The following NCOA3 variants were observed in gnomAD, a reference collection of about 807,000 sequenced individuals.
The protein encoded by NCOA3 is nuclear receptor coactivator 3, also known as CBP-interacting protein.
NCOA3 carries 51 observed loss-of-function variants against 158.8 expected under a neutral mutation model. That is an observed-to-expected ratio of 0.32 (90% CI 0.26 to 0.41). The LOEUF is 0.41. Among genes scored for constraint, NCOA3 ranks in the 10% least tolerant of loss-of-function variants. The pLI, the probability that NCOA3 is intolerant of heterozygous loss-of-function variation, is 1.00. For synonymous variants in NCOA3, 537 were observed against 592.4 expected, an observed-to-expected ratio of 0.91 and a Z score of 1.36; for missense variants, 1,510 against 1,746.6, an observed-to-expected ratio of 0.86 and a Z score of 2.41.
chr20:47,548,769 G>T (rs1374347695), intron 1 of NCOA3, among the ~76,000 whole-genome samples: 1 of 152,124 alleles, frequency 6.6e-6, no homozygotes, highest in Non-Finnish European at 1.5e-5. Context: ...ATTATGTCAT[G>T]ATGGTTTACT....
At chr20:47,519,901 A>G (rs1442068412) in intron 1 of NCOA3, among the ~76,000 whole-genome samples, 1 of 151,968 alleles carries the variant, frequency 6.6e-6, no homozygotes, top group African/African-American at 2.4e-5. Flanking sequence ...AGCTGGGACT[A>G]TATAGATGCC....
Position 47,586,475 on chromosome 20 carries a change from G to T in NCOA3, c.-20+3214G>T, listed in dbSNP as rs570673542. Among the ~76,000 whole-genome samples the T allele has an allele frequency of 3.2e-4, 49 of 151,860 alleles. No individual in the cohort carries two copies. The South Asian group carries it at 0.01, about 32-fold the overall frequency. ...ACTTCTGTTGTATTCCTACAGATAG[G>T]GTCATTCTCTTATATAACCATGGTA... On this transcript the variant is annotated intron_variant, in intron 2 of 22. Coordinates refer to ENST00000371998, the MANE Select transcript of NCOA3 (RefSeq NM_181659.3).
Position 47,627,620 on chromosome 20 carries a change from C to T in NCOA3, c.592C>T (p.Arg198Cys), listed in dbSNP as rs765156127. 11 of 1,613,852 alleles carry T rather than the reference C, an allele frequency of 6.8e-6. No individual in the cohort carries two copies. The highest frequency in any genetic ancestry group is 4.0e-5 in the African/African-American group (3 of 74,888). Reference sequence around the variant, plus strand: ...ACAAAAAAGCCATACATTTAATTGCCGTATGTTGATGAAAACACCACATGA... The same window carrying T: ...ACAAAAAAGCCATACATTTAATTGCTGTATGTTGATGAAAACACCACATGA... ...QRQKSHTFNC[R>C]MLMKTPHDIL... Residue 198 changes from arginine to cysteine, a missense_variant, in exon 7 of 23, where the codon CGT (arginine) becomes TGT (cysteine). Transcript: ENST00000371998.
At position 47,611,002 on chromosome 20, in the gene NCOA3, C is replaced by T. The variant is rs542046549; in HGVS notation, c.-19-11227C>T. The stretch of plus-strand genomic sequence containing the variant: ...GCATTTGACCATGGTTACCATTCCC[C>T]CTCTTCATTGTTTACTTAGTGTACC... On this transcript the variant is annotated intron_variant, in intron 2 of 22. Transcript: ENST00000371998. Among the ~76,000 whole-genome samples, 5 of 152,192 alleles carry T rather than the reference C, an allele frequency of 3.3e-5. No homozygotes were observed. The East Asian group carries it at 9.6e-4, about 29-fold the overall frequency.
intron 2 of NCOA3, among the ~76,000 whole-genome samples, chr20:47,603,779 C>A (rs1249783553): frequency 6.6e-6 from 1 of 152,200 alleles, no homozygotes; most frequent in Non-Finnish European, 1.5e-5. Flanking sequence ...TCCTTCTCTT[C>A]TTTCTCTGCC....
At position 47,625,466 on chromosome 20, in the gene NCOA3, A is replaced by G. The variant is rs2086306887; in HGVS notation, c.342A>G (p.Gly114=). The change falls in exon 5 of 23, where the codon GGA becomes GGG. Residue 114 remains glycine (G), a synonymous_variant. Coordinates refer to ENST00000371998, the MANE Select transcript of NCOA3 (RefSeq NM_181659.3). ...GAGTTATTGATAAAGACTCCTTAGGACCGCTTTTACTTCAGGCAAGTATAA... is the reference window on the plus strand; with the variant it reads ...GAGTTATTGATAAAGACTCCTTAGGGCCGCTTTTACTTCAGGCAAGTATAA... The part of the protein sequence containing the change: ...GQGVIDKDSL[G]PLLLQALDGF... The G allele has an allele frequency of 2.5e-6, 4 of 1,609,758 alleles. No homozygotes were observed. In the Admixed American group the frequency reaches 6.7e-5, roughly 27 times the overall value.
chr20:47,634,005 T>G (rs2086464759), intron 9 of NCOA3, 43 bp from the exon 10 acceptor site: 2 of 1,609,662 alleles, frequency 1.2e-6, no homozygotes, highest in South Asian at 1.1e-5. Context: ...TATATTTGTT[T>G]TGCTGACTGT....
intron 1 of NCOA3, among the ~76,000 whole-genome samples, chr20:47,506,474 C>T (rs1485907383): frequency 3.3e-5 from 5 of 152,026 alleles, no homozygotes; most frequent in Non-Finnish European, 5.9e-5. Flanking sequence ...TGTAGAAGGC[C>T]GATTTATCCA....
At chr20:47,550,959 A>G (rs2146154725) in intron 1 of NCOA3, among the ~76,000 whole-genome samples, 1 of 152,334 alleles carries the variant, frequency 6.6e-6, no homozygotes, top group East Asian at 1.9e-4. Flanking sequence ...TTCAATACTT[A>G]GACCTTATGA....
chr20:47,523,963 C>T (rs930552312), intron 1 of NCOA3, among the ~76,000 whole-genome samples: 7 of 152,212 alleles, frequency 4.6e-5, no homozygotes, highest in South Asian at 2.1e-4. Context: ...CATAGAAGAA[C>T]GGTTCCGGTT....
Position 47,654,506 on chromosome 20 carries a change from A to G in NCOA3, c.*1089A>G, listed in dbSNP as rs148491872. On this transcript the variant is annotated 3_prime_UTR_variant, in exon 23 of 23. Coordinates refer to ENST00000371998, the MANE Select transcript of NCOA3 (RefSeq NM_181659.3). Reference sequence around the variant, plus strand: ...ATATTTAACATTGTTGATTTCAGTAAGCTGTGTGGTGAGGCTACCAGTGGA... The same window carrying G: ...ATATTTAACATTGTTGATTTCAGTAGGCTGTGTGGTGAGGCTACCAGTGGA... 1 of 152,562 alleles carries G rather than the reference A, an allele frequency of 6.6e-6. No individual in the cohort carries two copies. The allele number at this position is 152,562 out of a possible 1,614,324, so 9.5% of individuals were successfully genotyped here. A position where few individuals can be genotyped will look rare whatever the true frequency, so the allele number is the denominator to read the frequency against.
rs772189925 is a variant in NCOA3, at chr20:47,640,043, T to G, written c.3072T>G (p.Thr1024=). The G allele has an allele frequency of 6.2e-7, 1 of 1,614,214 alleles. No homozygotes were observed. The highest frequency in any genetic ancestry group is 8.5e-7 in the Non-Finnish European group (1 of 1,180,026). Residue 1024 remains threonine, a synonymous_variant, in exon 16 of 23, where the codon ACT becomes ACG. Coordinates refer to ENST00000371998, the MANE Select transcript of NCOA3 (RefSeq NM_181659.3). ...CCATGGAACAAGTTTCTCATGGCACTCAAAATAGGTGGGGTGTTATTTTGT... is the reference window on the plus strand; with the variant it reads ...CCATGGAACAAGTTTCTCATGGCACGCAAAATAGGTGGGGTGTTATTTTGT... ...MLSMEQVSHG[T]QNRPLLRNSL...
intron 2 of NCOA3, among the ~76,000 whole-genome samples, chr20:47,590,095 C>T (rs1286638490): frequency 1.3e-5 from 2 of 152,118 alleles, no homozygotes; most frequent in Admixed American, 6.5e-5. Flanking sequence ...GTGTGAGCCA[C>T]TGTGTCCTGC....
intron 2 of NCOA3, among the ~76,000 whole-genome samples, chr20:47,596,503 CTA>C (rs930624174): frequency 1.3e-5 from 2 of 152,038 alleles, no homozygotes; most frequent in Non-Finnish European, 2.9e-5. Flanking sequence ...TTTTATTGCT[CTA>C]AAGTTTTAAA....
At chr20:47,633,750 G>A in intron 9 of NCOA3, 114 bp downstream of exon 9, 1 of 1,218,452 alleles carries the variant, frequency 8.2e-7, no homozygotes, top group Non-Finnish European at 1.1e-6. Context: ...TTCTGCCTCA[G>A]CTTCTGAGTA....
At chr20:47,600,781 G>T (rs1480692354) in intron 2 of NCOA3, among the ~76,000 whole-genome samples, 1 of 139,950 alleles carries the variant, frequency 7.1e-6, no homozygotes, top group Non-Finnish European at 1.5e-5. Flanking sequence ...CTCCCAAAGT[G>T]TTGGGATTAC....
chr20:47,574,157 G>A (rs899642745), intron 1 of NCOA3, among the ~76,000 whole-genome samples: 6 of 152,200 alleles, frequency 3.9e-5, no homozygotes, highest in Middle Eastern at 3.4e-3. Flanking sequence ...CACGTTTTGC[G>A]TTCGTCATAC....
In NCOA3 at chr20:47,651,074, GCAGCAGCAGCAGCAGCAA is replaced by G. The variant is rs751083337; in HGVS notation, c.3762_3779del (p.Gln1271_Gln1276del). The G allele has an allele frequency of 9.1e-5, 114 of 1,255,434 alleles. No homozygotes were observed. Among genetic ancestry groups the G allele is most frequent in the East Asian group, 1.8e-4 (7 of 39,878 alleles). 77.8% of individuals were successfully genotyped at this position (1,255,434 alleles called of 1,614,324 possible). On this transcript the variant is annotated inframe_deletion, in exon 20 of 23. Transcript: ENST00000371998. ...AACAGAGGGTGGCTATGATGATGCA[GCAGCAGCAGCAGCAGCAA>G]CAGCAGCAGCAGCAGCAGCAGCAGC...
intron 13 of NCOA3, among the ~76,000 whole-genome samples, chr20:47,638,461 C>A (rs1315614934): frequency 2.0e-5 from 3 of 152,110 alleles, no homozygotes; most frequent in Non-Finnish European, 1.5e-5. Flanking sequence ...ATTGAAAAGG[C>A]AGCATGCACA....
Sources: gnomAD v4.1 joint callset for allele counts (sites outside exome capture counted in the v4.1 genomes callset) on GRCh38, gnomAD v4.1.1 for gene constraint, MANE v1.5 for transcripts, NCBI Gene and HGNC (gene_info 2026-07-23, HGNC 2026-07-21) for gene names.